The following SRBD1 variants were observed in gnomAD, a reference collection of about 807,000 sequenced individuals.
SRBD1 encodes S1 RNA binding domain 1.
Under a neutral mutation model 115.3 loss-of-function variants are expected in SRBD1, and 88 were observed. The ratio of observed to expected loss-of-function variants is 0.76; its 90% confidence interval spans 0.64 to 0.91. SRBD1 has a LOEUF of 0.91. Among genes scored for constraint, SRBD1 ranks in the 40% least tolerant of loss-of-function variants. The probability of loss-of-function intolerance (pLI) is 0.00; values close to 1 mark genes in which losing one functional copy is unlikely to be tolerated. For synonymous variants in SRBD1, 509 were observed against 407.7 expected, an observed-to-expected ratio of 1.25 and a Z score of -2.99; for missense variants, 1,385 against 1,177.4, an observed-to-expected ratio of 1.18 and a Z score of -2.58.
At chr2:45,485,082 T>G (rs1255366419) in intron 15 of SRBD1, among the ~76,000 whole-genome samples, 1 of 152,224 alleles carries the variant, frequency 6.6e-6, no homozygotes, top group East Asian at 1.9e-4. Flanking sequence ...TTTTCAATTT[T>G]TCTGGAGACA....
intron 15 of SRBD1, among the ~76,000 whole-genome samples, chr2:45,484,704 T>A (rs1412036144): frequency 2.0e-5 from 3 of 152,214 alleles, no homozygotes; most frequent in Middle Eastern, 3.2e-3. Flanking sequence ...ATTTTCATTA[T>A]GCCAAAAGAA....
At chr2:45,397,369 C>A (rs1460324531) in intron 19 of SRBD1, among the ~76,000 whole-genome samples, 2 of 152,112 alleles carry the variant, frequency 1.3e-5, no homozygotes, top group African/African-American at 2.4e-5. Context: ...TTACTATTTT[C>A]AAATTTACTG....
chr2:45,555,779 A>G (rs1672456291), intron 10 of SRBD1, among the ~76,000 whole-genome samples: 1 of 151,746 alleles, frequency 6.6e-6, no homozygotes, highest in Non-Finnish European at 1.5e-5. Flanking sequence ...GGCGTGAGCT[A>G]CCTCGCCAGG....
At position 45,389,043 on chromosome 2, in the gene SRBD1, TA is replaced by T; in HGVS notation, c.*266del. The T allele has an allele frequency of 2.6e-6, 1 of 386,606 alleles. No individual in the cohort carries two copies. Among genetic ancestry groups the T allele is most frequent in the East Asian group, 4.3e-5 (1 of 23,254 alleles). 23.9% of individuals were successfully genotyped at this position (386,606 alleles called of 1,614,324 possible). On this transcript the variant is annotated 3_prime_UTR_variant, in exon 21 of 21. Transcript: ENST00000263736. Reference sequence around the variant, plus strand: ...GGAGTTAAAGATAAATTACAAAAAATAAAAAACAAAATTTTAGTCAGAAAAC... The same window carrying T: ...GGAGTTAAAGATAAATTACAAAAAATAAAAACAAAATTTTAGTCAGAAAAC...
chr2:45,551,079 T>A, intron 12 of SRBD1, 46 bp downstream of exon 12: 1 of 1,558,186 alleles, frequency 6.4e-7, no homozygotes, highest in South Asian at 1.2e-5. Context: ...GTGAAACTTA[T>A]AACCAACCAA....
intron 10 of SRBD1, among the ~76,000 whole-genome samples, chr2:45,554,361 C>A (rs1672404940): frequency 6.6e-6 from 1 of 152,206 alleles, no homozygotes; most frequent in Non-Finnish European, 1.5e-5. Flanking sequence ...CCGGTTGAAG[C>A]CACATAGTCT....
At chr2:45,559,647 A>G (rs1321303148) in intron 10 of SRBD1, among the ~76,000 whole-genome samples, 1 of 152,218 alleles carries the variant, frequency 6.6e-6, no homozygotes, top group Non-Finnish European at 1.5e-5. Context: ...AGAGTAAAAA[A>G]AGGAACTAGA....
chr2:45,482,084 C>T (rs1433269289), intron 15 of SRBD1, among the ~76,000 whole-genome samples: 2 of 152,054 alleles, frequency 1.3e-5, no homozygotes, highest in Non-Finnish European at 2.9e-5. Flanking sequence ...CTGACTTGTA[C>T]ACTTTAAAAG....
chr2:45,419,720 G>C, intron 17 of SRBD1, 68 bp downstream of exon 17: 1 of 1,394,052 alleles, frequency 7.2e-7, no homozygotes. Context: ...CCTTCTTCTA[G>C]CCGAGTTTGG....
At chr2:45,605,572 C>T in intron 1 of SRBD1, 131 bp from the exon 2 acceptor site, 1 of 840,962 alleles carries the variant, frequency 1.2e-6, no homozygotes, top group East Asian at 2.5e-5. Flanking sequence ...TATTCACAAG[C>T]CCAAACATCA....
intron 15 of SRBD1, among the ~76,000 whole-genome samples, chr2:45,485,675 T>C (rs554740133): frequency 7.2e-5 from 11 of 152,324 alleles, no homozygotes; most frequent in African/African-American, 2.2e-4. Context: ...TTTTCTTACA[T>C]ATGCTTAACA....
At chr2:45,537,770 G>A (rs1047521377) in intron 14 of SRBD1, among the ~76,000 whole-genome samples, 1 of 152,082 alleles carries the variant, frequency 6.6e-6, no homozygotes, top group African/African-American at 2.4e-5. Context: ...CGCTTTACTG[G>A]GAACACTTCA....
At chr2:45,480,914 A>G (rs1185111721) in intron 15 of SRBD1, among the ~76,000 whole-genome samples, 3 of 152,192 alleles carry the variant, frequency 2.0e-5, no homozygotes, top group African/African-American at 7.2e-5. Flanking sequence ...CATGCTACAG[A>G]GAAACCTTTT....
chr2:45,554,802 G>C (rs776836434), intron 10 of SRBD1, among the ~76,000 whole-genome samples: 27 of 152,058 alleles, frequency 1.8e-4, no homozygotes, highest in Admixed American at 3.3e-4. Flanking sequence ...ATAGTTGTTT[G>C]GTGCCTACTG....
intron 14 of SRBD1, among the ~76,000 whole-genome samples, chr2:45,527,230 T>A (rs1018442176): frequency 3.9e-5 from 6 of 151,916 alleles, no homozygotes; most frequent in Non-Finnish European, 8.8e-5. Context: ...AATTTCTGAG[T>A]GCCAACATGG....
intron 16 of SRBD1, among the ~76,000 whole-genome samples, chr2:45,471,672 A>G (rs185684690): frequency 6.6e-6 from 1 of 152,232 alleles, no homozygotes; most frequent in Non-Finnish European, 1.5e-5. Context: ...TTGCACAGAT[A>G]TTTTCATCTT....
chr2:45,589,926 A>G (rs559013705), intron 4 of SRBD1, among the ~76,000 whole-genome samples: 4 of 152,358 alleles, frequency 2.6e-5, no homozygotes, highest in East Asian at 1.9e-4. Flanking sequence ...AGTATGGTTC[A>G]TACTCTGACA....
intron 16 of SRBD1, among the ~76,000 whole-genome samples, chr2:45,457,985 T>C (rs1244605763): frequency 6.6e-6 from 1 of 152,100 alleles, no homozygotes; most frequent in Non-Finnish European, 1.5e-5. Flanking sequence ...TTACAGCTCA[T>C]ATCTCAAAAA....
At chr2:45,534,007 G>C (rs891193844) in intron 14 of SRBD1, among the ~76,000 whole-genome samples, 3 of 151,974 alleles carry the variant, frequency 2.0e-5, no homozygotes, top group Non-Finnish European at 4.4e-5. Flanking sequence ...AGATCTGCAA[G>C]AGGGGCTACA....
Sources: gnomAD v4.1 joint callset for allele counts (sites outside exome capture counted in the v4.1 genomes callset) on GRCh38, gnomAD v4.1.1 for gene constraint, MANE v1.5 for transcripts, NCBI Gene and HGNC (gene_info 2026-07-23, HGNC 2026-07-21) for gene names.